The following RPN1 variants were observed in gnomAD, a reference collection of about 807,000 sequenced individuals.
RPN1 encodes ribophorin I.
A neutral mutation model predicts 55.5 loss-of-function variants in RPN1; 12 were observed. The ratio of observed to expected loss-of-function variants is 0.22; its 90% CI spans 0.14 to 0.35. The LOEUF (loss-of-function observed/expected upper bound fraction) is 0.35, where lower values mean the gene tolerates loss of function less well. Ranked by LOEUF, RPN1 falls within the 10% of genes least tolerant of loss-of-function variation. RPN1 has a pLI of 1.00. For missense variants in RPN1, 679 were observed against 761.3 expected, an observed-to-expected ratio of 0.89 and a Z score of 1.27; for synonymous variants, 317 against 305.9, an observed-to-expected ratio of 1.04 and a Z score of -0.38.
At position 128,622,252 on chromosome 3, in the gene RPN1, C is replaced by A. The variant is rs767863573; in HGVS notation, c.1553G>T (p.Ser518Ile). ...DISTLNSGKKSLETEHKALTS... is the reference protein window; with the variant it reads ...DISTLNSGKKILETEHKALTS... ...CAAGGCCTTGTGTTCAGTCTCCAGG[C>A]TCTTCTTGCCACTGTTGAGGGTGGA... The change falls in exon 9 of 10, where the codon AGC (serine) becomes ATC (isoleucine). Residue 518 changes from serine to isoleucine, a missense_variant. Transcript: ENST00000296255. 12 of 1,614,112 alleles carry A rather than the reference C, an allele frequency of 7.4e-6. No homozygotes were observed. The highest frequency in any genetic ancestry group is 1.0e-5 in the Non-Finnish European group (12 of 1,180,042).
Position 128,625,884 on chromosome 3 carries a change from T to A in RPN1, c.1265A>T (p.Gln422Leu). 6.2e-7 allele frequency: 1 copy of A among 1,611,728 alleles called. No homozygotes were observed. The highest frequency in any genetic ancestry group is 1.7e-5 in the Admixed American group (1 of 59,662). Residue 422 changes from glutamine (Q) to leucine (L), a missense_variant, in exon 7 of 10, where the codon CAG becomes CTG. Gln to Leu is a moderately radical substitution (Grantham distance 113). Transcript: ENST00000296255. ...AGTGGAGCCACTCACCACAATGTCC[T>A]GAATGTGCTGTTCTACCAGATTTTT... ...YKKNLVEQHI[Q>L]DIVVHYTFNK...
Position 128,630,004 on chromosome 3 carries a change from G to C in RPN1, c.983C>G (p.Thr328Ser). ...GAGGTTGTAGCCAACGATGTAATGG[G>C]TCTTCCACCCGCCAAAGAGAGGGAA... is the stretch of plus-strand genomic sequence containing the variant. Reference protein sequence around the residue: ...PRFPLFGGWKTHYIVGYNLPS... With the variant: ...PRFPLFGGWKSHYIVGYNLPS... The change falls in exon 5 of 10, where the codon ACC becomes AGC. Residue 328 changes from threonine (T) to serine (S), a missense_variant. Transcript: ENST00000296255. The C allele has an allele frequency of 6.2e-7, 1 of 1,613,832 alleles. No homozygotes were observed. The highest frequency in any genetic ancestry group is 1.7e-4 in the Middle Eastern group (1 of 6,060).
At chr3:128,644,807 C>T (rs1038470189) in intron 2 of RPN1, 112 bp downstream of exon 2, 25 of 690,974 alleles carry the variant, frequency 3.6e-5, no homozygotes, top group African/African-American at 9.0e-5. Context: ...AAAAAAAAAC[C>T]CTGTAATAAA....
rs879221646 is a variant in RPN1, at chr3:128,620,213, T to TAAA, written c.*195_*197dup. The stretch of plus-strand genomic sequence containing the variant: ...GAGTTTTTTTAAAGTTTTCTTTTTT[T>TAAA]AAAAAAAAAAAAAAAGAAAGTTAAG... On this transcript the variant is annotated 3_prime_UTR_variant, in exon 10 of 10. Coordinates refer to ENST00000296255, the MANE Select transcript of RPN1 (RefSeq NM_002950.4). 9.0e-6 allele frequency: 3 copies of TAAA among 332,480 alleles called. No individual in the cohort carries two copies. The highest frequency in any genetic ancestry group is 1.1e-5 in the Non-Finnish European group (2 of 187,698). The allele number at this position is 332,480 out of a possible 1,614,324, so 20.6% of individuals were successfully genotyped here. A position where few individuals can be genotyped will look rare whatever the true frequency, so the allele number is the denominator to read the frequency against.
chr3:128,650,746 G>A lies in RPN1; in HGVS notation c.55C>T (p.Pro19Ser). 6.4e-7 allele frequency: 1 copy of A among 1,552,498 alleles called. No homozygotes were observed. The change falls in exon 1 of 10, where the codon CCG (proline) becomes TCG (serine). Residue 19 changes from proline (P) to serine (S), a missense_variant. By Grantham distance (74) the Pro-to-Ser change is moderately conservative (BLOSUM62 -1). Transcript: ENST00000296255. ...FLLLLLGTWA[P>S]APGSASSEAP... ...TCGGAGGAGGCGCTGCCCGGCGCCG[G>A]GGCCCAAGTCCCAAGCAACAGGAGC...
At chr3:128,623,234 G>A (rs921684589) in intron 8 of RPN1, among the ~76,000 whole-genome samples, 2 of 152,132 alleles carry the variant, frequency 1.3e-5, no homozygotes, top group Admixed American at 6.5e-5. Context: ...ATGAGACTCC[G>A]TCTCTACAAA....
Position 128,625,980 on chromosome 3 carries a change from C to T in RPN1, c.1169G>A (p.Ser390Asn), listed in dbSNP as rs2069597040. The T allele has an allele frequency of 3.1e-6, 5 of 1,611,276 alleles. No homozygotes were observed. In the African/African-American group the frequency reaches 6.7e-5, roughly 22 times the overall value. Reference sequence around the variant, plus strand: ...GTAGTGCAGCTCATCTGGGGCACGGCTGATTTCATAGGGACTATCAATTTC... The same window carrying T: ...GTAGTGCAGCTCATCTGGGGCACGGTTGATTTCATAGGGACTATCAATTTC... ...NIEIDSPYEI[S>N]RAPDELHYTY... is the part of the protein sequence containing the mutation. The change falls in exon 7 of 10, where the codon AGC (serine) becomes AAC (asparagine). Residue 390 changes from serine (S) to asparagine (N), a missense_variant. Physicochemically the swap from Ser to Asn is conservative, Grantham distance 46. Coordinates refer to ENST00000296255, the MANE Select transcript of RPN1 (RefSeq NM_002950.4).
chr3:128,625,767 G>A, intron 7 of RPN1, 107 bp downstream of exon 7: 4 of 1,563,032 alleles, frequency 2.6e-6, no homozygotes, highest in Non-Finnish European at 3.5e-6. Context: ...AAGACGCCAT[G>A]AGCTCAAATG....
intron 8 of RPN1, among the ~76,000 whole-genome samples, chr3:128,624,250 C>T (rs922721814): frequency 6.6e-6 from 1 of 152,042 alleles, no homozygotes; most frequent in Non-Finnish European, 1.5e-5. Flanking sequence ...TTTGGGAGGC[C>T]GAGGCGGGTG....
At chr3:128,636,002 T>C (rs1303175943) in intron 3 of RPN1, among the ~76,000 whole-genome samples, 1 of 152,140 alleles carries the variant, frequency 6.6e-6, no homozygotes, top group Non-Finnish European at 1.5e-5. Flanking sequence ...TTTTGTTACA[T>C]ATAACTTGTT....
Position 128,644,469 on chromosome 3 carries a change from C to A in RPN1, c.326+450G>T, listed in dbSNP as rs78701250. Reference sequence around the variant, plus strand: ...GACCAGCCTGGGTGACATGGCAAAACCCGGTGTCTACTAAAAATACATACA... The same window carrying A: ...GACCAGCCTGGGTGACATGGCAAAAACCGGTGTCTACTAAAAATACATACA... On this transcript the variant is annotated intron_variant, in intron 2 of 9. Coordinates refer to ENST00000296255, the MANE Select transcript of RPN1 (RefSeq NM_002950.4). 3.9e-4 allele frequency: 115 copies of A among 294,158 alleles called. 1 individual carries two copies. In the East Asian group the frequency reaches 9.6e-3, roughly 25 times the overall value. 18.2% of individuals were successfully genotyped at this position (294,158 alleles called of 1,614,324 possible). A position where few individuals can be genotyped will look rare whatever the true frequency, so the allele number is the denominator to read the frequency against.
intron 8 of RPN1, among the ~76,000 whole-genome samples, chr3:128,623,233 C>G (rs1347194448): frequency 6.6e-6 from 1 of 151,750 alleles, no homozygotes; most frequent in African/African-American, 2.4e-5. Flanking sequence ...AATGAGACTC[C>G]GTCTCTACAA....
In RPN1 at chr3:128,620,344, A is replaced by G. The variant is rs2069549733; in HGVS notation, c.*67T>C. Reference sequence around the variant, plus strand: ...TGGCCTCCATGCACAACCTCCCACTACCACCCAATCTGCCTGCCACAGCAA... The same window carrying G: ...TGGCCTCCATGCACAACCTCCCACTGCCACCCAATCTGCCTGCCACAGCAA... On this transcript the variant is annotated 3_prime_UTR_variant, in exon 10 of 10. Transcript: ENST00000296255. 2.7e-6 allele frequency: 4 copies of G among 1,488,810 alleles called. No homozygotes were observed. The highest frequency in any genetic ancestry group is 1.4e-5 in the African/African-American group (1 of 71,968). 92.2% of individuals were successfully genotyped at this position (1,488,810 alleles called of 1,614,324 possible). A position where few individuals can be genotyped will look rare whatever the true frequency, so the allele number is the denominator to read the frequency against.
chr3:128,624,945 T>C (rs1433524747), intron 8 of RPN1, among the ~76,000 whole-genome samples: 1 of 152,036 alleles, frequency 6.6e-6, no homozygotes, highest in East Asian at 1.9e-4. Context: ...AAGTGCCTGG[T>C]ACTAGTGCCT....
intron 3 of RPN1, 71 bp downstream of exon 3, chr3:128,637,728 T>A (rs991436706): frequency 1.9e-5 from 29 of 1,496,746 alleles, no homozygotes; most frequent in Admixed American, 7.1e-5. Flanking sequence ...CCCAAGCCTA[T>A]CAACCAGTAG....
At chr3:128,635,991 ATTT>A (rs975821768) in intron 3 of RPN1, among the ~76,000 whole-genome samples, 1 of 151,888 alleles carries the variant, frequency 6.6e-6, no homozygotes, top group South Asian at 2.1e-4. Context: ...GTTATATATG[ATTT>A]TGTTACATAT....
chr3:128,620,012 CT>C lies in RPN1; in HGVS notation c.*398del. ...CTTTATTTCCATTTGTTCACACACG[CT>C]TTAAAAAAAAAAAAAAAAACACATG... On this transcript the variant is annotated 3_prime_UTR_variant, in exon 10 of 10. Coordinates refer to ENST00000296255, the MANE Select transcript of RPN1 (RefSeq NM_002950.4). The C allele has an allele frequency of 1.1e-4, 22 of 196,734 alleles. No homozygotes were observed. Among genetic ancestry groups the C allele is most frequent in the South Asian group, 4.1e-4 (2 of 4,848 alleles). The allele number at this position is 196,734 out of a possible 1,614,324, so 12.2% of individuals were successfully genotyped here.
intron 4 of RPN1, 36 bp from the exon 5 acceptor site, chr3:128,630,179 G>C (rs1382736123): frequency 6.9e-7 from 1 of 1,451,026 alleles, no homozygotes; most frequent in Admixed American, 1.8e-5. Context: ...TAAAACTCCA[G>C]GAACCAGCTG....
At chr3:128,648,688 T>C (rs2069788186) in intron 1 of RPN1, among the ~76,000 whole-genome samples, 1 of 152,216 alleles carries the variant, frequency 6.6e-6, no homozygotes, top group Non-Finnish European at 1.5e-5. Context: ...CCCACTGGGA[T>C]AGGAGTACAA....
Sources: allele counts gnomAD v4.1 joint callset (sites outside exome capture counted in the v4.1 genomes callset), GRCh38; gene constraint gnomAD v4.1.1; transcripts MANE v1.5; gene names NCBI Gene and HGNC (gene_info 2026-07-23, HGNC 2026-07-21).